Variants in NOL12 observed in about 807,000 individuals in gnomAD.
NOL12 encodes the protein nucleolar protein 12.
Under a neutral mutation model 25.2 loss-of-function variants are expected in NOL12, and 21 were observed. The observed-to-expected ratio is 0.83, with a 90% CI of 0.59 to 1.20. The LOEUF is 1.20. NOL12 is among the 50% of genes most tolerant of loss of function. The pLI is 0.00. For synonymous variants in NOL12, 133 were observed against 113.8 expected (o/e 1.17, Z -1.08); for missense variants, 286 against 287.6 (o/e 0.99, Z 0.04).
At chr22:37,690,074 A>C (rs1444436963) in intron 4 of NOL12, among the ~76,000 whole-genome samples, 1 of 152,044 alleles carries the variant, frequency 6.6e-6, no homozygotes, top group African/African-American at 2.4e-5. Context: ...GGGAGGCTGA[A>C]GCAGGAGAAT....
rs779281570 is a variant in NOL12 at position 37,691,186 on chromosome 22, C to CA, written c.493dup (p.Thr165AsnfsTer81). On this transcript the variant is annotated frameshift_variant, in exon 6 of 6. Coordinates refer to ENST00000359114, the MANE Select transcript of NOL12 (RefSeq NM_024313.3). LOFTEE classifies it high-confidence loss of function. ...TGCCCTCCCCTAGGATCTCCTCCCT[C>CA]ACAGCATCACTACATGCACACAGCC... 1 of 1,610,340 alleles carries CA rather than the reference C, an allele frequency of 6.2e-7. No homozygotes were observed. The highest frequency in any genetic ancestry group is 2.2e-5 in the East Asian group (1 of 44,776).
chr22:37,686,501 C>T (rs765639486), intron 1 of NOL12, 26 bp downstream of exon 1: 12 of 1,565,534 alleles, frequency 7.7e-6, no homozygotes, highest in African/African-American at 6.9e-5. Context: ...GGACCGGACT[C>T]CCCTCGAGCT....
At chr22:37,686,720 C>T in intron 1 of NOL12, 2 of 985,464 alleles carry the variant, frequency 2.0e-6, no homozygotes, top group Non-Finnish European at 2.4e-6. Context: ...GCTCGGGTCT[C>T]AGAGCAGTGG....
At chr22:37,687,210 T>A in intron 1 of NOL12, 2 of 500,378 alleles carry the variant, frequency 4.0e-6, no homozygotes, top group Non-Finnish European at 5.2e-6. Flanking sequence ...GTTGAGAGAG[T>A]AATGAGGTTT....
At position 37,688,985 on chromosome 22, in the gene NOL12, C is replaced by T. The variant is rs781481658; in HGVS notation, c.374C>T (p.Pro125Leu). 3 of 1,611,990 alleles carry T rather than the reference C, an allele frequency of 1.9e-6. No individual in the cohort carries two copies. The highest frequency in any genetic ancestry group is 3.3e-5 in the Admixed American group (2 of 60,032). The change falls in exon 4 of 6, where the codon CCA (proline) becomes CTA (leucine). Residue 125 changes from proline (P) to leucine (L), a missense_variant. Transcript: ENST00000359114. ...GGGGCCCGGCTGCTCGGGCTGACCC[C>T]ACCTGAGGTGGGTCCCAGTCTCAGC... The part of the protein sequence containing the change: ...LSGARLLGLT[P>L]PEGGAGDRSE...
At position 37,686,378 on chromosome 22, in the gene NOL12, G is replaced by C; in HGVS notation, c.-15G>C. The C allele has an allele frequency of 6.3e-7, 1 of 1,586,290 alleles. No individual in the cohort carries two copies. Among genetic ancestry groups the C allele is most frequent in the Non-Finnish European group, 8.6e-7 (1 of 1,169,408 alleles). ...GAAGTGTCTTCAGGGAGAGGAAGCCGGCGGCCTCACTGCTATGGGCCGCAA... is the reference window on the plus strand; with the variant it reads ...GAAGTGTCTTCAGGGAGAGGAAGCCCGCGGCCTCACTGCTATGGGCCGCAA... On this transcript the variant is annotated 5_prime_UTR_variant, in exon 1 of 6. Transcript: ENST00000359114.
intron 5 of NOL12, 93 bp downstream of exon 5, chr22:37,690,887 C>T (rs906142487): frequency 9.9e-6 from 9 of 908,730 alleles, no homozygotes; most frequent in African/African-American, 6.6e-5. Flanking sequence ...GTGTAGGGCC[C>T]GGAGCAGCCC....
chr22:37,691,619 C>CTCATCAGATTTGTGGAAT lies in NOL12; in HGVS notation c.*297_*298insGAATTCATCAGATTTGTG, dbSNP rs1922069503. 4.8e-6 allele frequency: 2 copies of CTCATCAGATTTGTGGAAT among 421,030 alleles called. No homozygotes were observed. Among genetic ancestry groups the CTCATCAGATTTGTGGAAT allele is most frequent in the East Asian group, 3.8e-5 (1 of 26,142 alleles). 26.1% of individuals were successfully genotyped at this position (421,030 alleles called of 1,614,324 possible). On this transcript the variant is annotated 3_prime_UTR_variant, in exon 6 of 6. Coordinates refer to ENST00000359114, the MANE Select transcript of NOL12 (RefSeq NM_024313.3). Reference sequence around the variant, plus strand: ...TCCCAAATGTGCACCCCACCTGGCACTCATCAGATTTGTGCGCTTGTGATT... The same window carrying CTCATCAGATTTGTGGAAT: ...TCCCAAATGTGCACCCCACCTGGCACTCATCAGATTTGTGGAATTCATCAGATTTGTGCGCTTGTGATT...
Position 37,688,032 on chromosome 22 carries a change from TGGGAGGGAGGTCTTTGA to T in NOL12, c.189+18_189+34del, listed in dbSNP as rs758083668. 7.7e-7 allele frequency: 1 copy of T among 1,293,558 alleles called. No individual in the cohort carries two copies. Among genetic ancestry groups the T allele is most frequent in the South Asian group, 1.3e-5 (1 of 78,666 alleles). The allele number at this position is 1,293,558 out of a possible 1,614,324, so 80.1% of individuals were successfully genotyped here. A position where few individuals can be genotyped will look rare whatever the true frequency, so the allele number is the denominator to read the frequency against. ...CGGGAGGAGGTACGCAGGGGGAAGG[TGGGAGGGAGGTCTTTGA>T]TTCTTAGGGCACTTGCAGCCTTGGA... On this transcript the variant is annotated intron_variant, in intron 2 of 5. Coordinates refer to ENST00000359114, the MANE Select transcript of NOL12 (RefSeq NM_024313.3).
intron 1 of NOL12, chr22:37,687,037 G>A (rs1266894162): frequency 1.0e-6 from 1 of 985,306 alleles, no homozygotes; most frequent in African/African-American, 1.7e-5. Context: ...GCTGAGATTA[G>A]ACCGAGGGAA....
chr22:37,688,037 G>A, intron 2 of NOL12, 22 bp downstream of exon 2: 1 of 1,518,296 alleles, frequency 6.6e-7, no homozygotes, highest in Non-Finnish European at 9.0e-7. Flanking sequence ...GAAGGTGGGA[G>A]GGAGGTCTTT....
chr22:37,693,111 G>A lies in NOL12; in HGVS notation c.*1775G>A, dbSNP rs1053097260. Reference sequence around the variant, plus strand: ...GGCTCTGGTGCTCAGCCTGCTGTGAGCAGGAACAGCTGAGTCCCAGGGGTT... The same window carrying A: ...GGCTCTGGTGCTCAGCCTGCTGTGAACAGGAACAGCTGAGTCCCAGGGGTT... On this transcript the variant is annotated 3_prime_UTR_variant, in exon 6 of 6. Coordinates refer to ENST00000359114, the MANE Select transcript of NOL12 (RefSeq NM_024313.3). 3 of 165,950 alleles carry A rather than the reference G, an allele frequency of 1.8e-5. No individual in the cohort carries two copies. Among genetic ancestry groups the A allele is most frequent in the Non-Finnish European group, 2.6e-5 (2 of 77,490 alleles). 10.3% of individuals were successfully genotyped at this position (165,950 alleles called of 1,614,324 possible).
chr22:37,688,389 G>C, intron 3 of NOL12, 29 bp downstream of exon 3: 1 of 1,611,328 alleles, frequency 6.2e-7, no homozygotes. Context: ...CTGACCTGGA[G>C]AACAGCTGAT....
Position 37,690,749 on chromosome 22 carries a change from C to T in NOL12, c.434C>T (p.Thr145Ile), listed in dbSNP as rs2145798182. 1.2e-6 allele frequency: 2 copies of T among 1,614,030 alleles called. No homozygotes were observed. The highest frequency in any genetic ancestry group is 1.1e-5 in the South Asian group (1 of 91,082). Reference protein sequence around the residue: ...EEEASSTEKPTKALPRKSRDP... With the variant: ...EEEASSTEKPIKALPRKSRDP... ...GAGGCGTCATCCACGGAGAAACCAA[C>T]CAAAGCCTTGCCCAGGAAGTCCAGA... is the stretch of plus-strand genomic sequence containing the variant. Residue 145 changes from threonine to isoleucine, a missense_variant, in exon 5 of 6, where the codon ACC becomes ATC. Physicochemically the swap from Thr to Ile is moderately conservative, Grantham distance 89. Coordinates refer to ENST00000359114, the MANE Select transcript of NOL12 (RefSeq NM_024313.3).
rs536595526 is a variant in NOL12, at chr22:37,688,470, G to A, written c.238+110G>A. 97 of 1,147,452 alleles carry A rather than the reference G, an allele frequency of 8.5e-5. No individual in the cohort carries two copies. The African/African-American group carries it at 1.4e-3, about 16-fold the overall frequency. 71.1% of individuals were successfully genotyped at this position (1,147,452 alleles called of 1,614,324 possible). ...CTCCTTGGCCCTAGGGATCTTGGGG[G>A]GTACCCTGGGGCCAGGGGTGGTCCT... On this transcript the variant is annotated intron_variant, in intron 3 of 5. Coordinates refer to ENST00000359114, the MANE Select transcript of NOL12 (RefSeq NM_024313.3).
At chr22:37,690,909 A>G in intron 5 of NOL12, 115 bp downstream of exon 5, 1 of 771,622 alleles carries the variant, frequency 1.3e-6, no homozygotes. Flanking sequence ...CTGCCTGTCC[A>G]GTGATCCTCT....
chr22:37,688,185 G>T, intron 2 of NOL12, 127 bp from the exon 3 acceptor site: 1 of 1,149,664 alleles, frequency 8.7e-7, no homozygotes, highest in East Asian at 2.5e-5. Context: ...AGTGATGGAA[G>T]ATGGAGTCTC....
intron 2 of NOL12, 70 bp downstream of exon 2, chr22:37,688,085 A>G (rs530332947): frequency 1.5e-6 from 2 of 1,356,374 alleles, no homozygotes; most frequent in Non-Finnish European, 1.0e-6. Context: ...TTTCCCTAAT[A>G]GAGGCAGCTG....
intron 1 of NOL12, 133 bp downstream of exon 1, chr22:37,686,608 C>T: frequency 7.3e-7 from 1 of 1,375,694 alleles, no homozygotes; most frequent in Non-Finnish European, 9.3e-7. Context: ...CCCCTCTCGG[C>T]CTTCCAGCCC....
Sources: allele counts gnomAD v4.1 joint callset (sites outside exome capture counted in the v4.1 genomes callset), GRCh38; gene constraint gnomAD v4.1.1; transcripts MANE v1.5; gene names NCBI Gene and HGNC (gene_info 2026-07-23, HGNC 2026-07-21).